BBS4: variants seen among roughly 807,000 people sequenced by gnomAD.
BBS4 encodes BBSome complex member BBS4.
BBS4 carries 58 observed loss-of-function variants against 71.4 expected under a neutral mutation model. The observed-to-expected ratio is 0.81, with a 90% CI of 0.66 to 1.01. The LOEUF is 1.01. Among genes scored for constraint, BBS4 ranks in the 50% least tolerant of loss-of-function variants. BBS4 has a pLI of 0.00. For missense variants in BBS4, 660 were observed against 607.9 expected, an observed-to-expected ratio of 1.09 and a Z score of -0.90; for synonymous variants, 228 against 216.8, an observed-to-expected ratio of 1.05 and a Z score of -0.46.
intron 5 of BBS4, 49 bp downstream of exon 5, chr15:72,715,451 T>A: frequency 7.7e-7 from 1 of 1,294,320 alleles, no homozygotes; most frequent in Non-Finnish European, 1.1e-6. Context: ...GAGAACAGTG[T>A]AAAATGCATT....
chr15:72,718,258 AT>A (rs1353562112), intron 6 of BBS4, among the ~76,000 whole-genome samples: 9 of 152,178 alleles, frequency 5.9e-5, no homozygotes, highest in African/African-American at 2.2e-4. Context: ...TCCATCCAAT[AT>A]TTTTTATTTC....
At chr15:72,735,698 TA>T in intron 13 of BBS4, 126 bp from the exon 14 acceptor site, 1 of 1,203,430 alleles carries the variant, frequency 8.3e-7, no homozygotes, top group Non-Finnish European at 1.2e-6. Context: ...CGTATGTACC[TA>T]CCTTGCTGCA....
Position 72,729,595 on chromosome 15 carries a change from CTT to C in BBS4, c.643-20_643-19del, listed in dbSNP as rs776030864. 2.4e-5 allele frequency: 38 copies of C among 1,613,136 alleles called. No homozygotes were observed. The highest frequency in any genetic ancestry group is 1.2e-4 in the African/African-American group (9 of 74,984). ...CCGTCTCCTTGCTGATGTAAATTGT[CTT>C]GTTTGCTTTTTTTCCAAGCTCGGCA... On this transcript the variant is annotated intron_variant, in intron 9 of 15. Transcript: ENST00000268057.
At chr15:72,720,842 G>A (rs1490155528) in intron 6 of BBS4, among the ~76,000 whole-genome samples, 1 of 152,228 alleles carries the variant, frequency 6.6e-6, no homozygotes, top group African/African-American at 2.4e-5. Context: ...GATAGGATTT[G>A]ACTCTGATTT....
intron 2 of BBS4, among the ~76,000 whole-genome samples, chr15:72,701,537 C>T (rs12440954): frequency 8.5e-5 from 13 of 152,082 alleles, no homozygotes; most frequent in Non-Finnish European, 7.4e-5. Flanking sequence ...TTTTAAAATG[C>T]GGTCAATATA....
chr15:72,693,520 C>T (rs1256222420), intron 1 of BBS4, among the ~76,000 whole-genome samples: 2 of 152,144 alleles, frequency 1.3e-5, no homozygotes, highest in Non-Finnish European at 2.9e-5. Context: ...CTGACAACTA[C>T]TCAGCAATGC....
intron 6 of BBS4, among the ~76,000 whole-genome samples, chr15:72,721,539 A>G (rs1413283425): frequency 6.6e-6 from 1 of 152,220 alleles, no homozygotes; most frequent in Non-Finnish European, 1.5e-5. Context: ...CTGAGCTTCA[A>G]TTTCCTTATC....
intron 2 of BBS4, among the ~76,000 whole-genome samples, chr15:72,702,886 C>G (rs2151007074): frequency 7.0e-6 from 1 of 143,362 alleles, no homozygotes; most frequent in South Asian, 2.3e-4. Context: ...CGGCTCACTG[C>G]AAGCTCCGCC....
intron 8 of BBS4, among the ~76,000 whole-genome samples, chr15:72,726,519 T>A (rs564355433): frequency 1.1e-4 from 17 of 152,252 alleles, no homozygotes; most frequent in Non-Finnish European, 1.9e-4. Context: ...TTATTCCTAA[T>A]AATTAGATTC....
intron 1 of BBS4, among the ~76,000 whole-genome samples, chr15:72,687,583 G>A (rs1327723074): frequency 1.4e-5 from 2 of 143,070 alleles, no homozygotes; most frequent in African/African-American, 5.2e-5. Flanking sequence ...CAGCATGAGC[G>A]ACAGAGACAG....
chr15:72,736,654 G>T (rs1451942154), intron 14 of BBS4, 108 bp from the exon 15 acceptor site: 1 of 1,029,370 alleles, frequency 9.7e-7, no homozygotes, highest in Non-Finnish European at 1.5e-6. Flanking sequence ...CTGCTAGTAC[G>T]ACCAGACACT....
rs1413220436 is a variant in BBS4 at position 72,735,376 on chromosome 15, A to T, written c.1106+194A>T. ...CTCAGCAGGAATTGACACTCTGAGAAAATGTTTCCAGTCCTAAACTGAGTA... is the reference window on the plus strand; with the variant it reads ...CTCAGCAGGAATTGACACTCTGAGATAATGTTTCCAGTCCTAAACTGAGTA... On this transcript the variant is annotated intron_variant, in intron 13 of 15. Coordinates refer to ENST00000268057, the MANE Select transcript of BBS4 (RefSeq NM_033028.5). 8.0e-6 allele frequency: 5 copies of T among 624,308 alleles called. 1 individual carries two copies. The East Asian group carries it at 1.5e-4, about 18-fold the overall frequency. The allele number at this position is 624,308 out of a possible 1,614,324, so 38.7% of individuals were successfully genotyped here.
intron 1 of BBS4, chr15:72,686,496 A>G: frequency 6.6e-7 from 1 of 1,521,680 alleles, no homozygotes; most frequent in South Asian, 1.2e-5. Context: ...CTGGACGGAG[A>G]AGGGAGACTT....
intron 9 of BBS4, among the ~76,000 whole-genome samples, chr15:72,728,873 C>T (rs1397531860): frequency 6.6e-6 from 1 of 152,150 alleles, no homozygotes. Context: ...TCCAGCCCTG[C>T]CTCTGTGGTG....
intron 1 of BBS4, among the ~76,000 whole-genome samples, chr15:72,688,493 A>G (rs1262674576): frequency 7.5e-6 from 1 of 132,470 alleles, no homozygotes; most frequent in African/African-American, 2.9e-5. Flanking sequence ...AGCTCAGTGG[A>G]ACCTCTGCCT....
chr15:72,705,883 C>A (rs1435257218), intron 2 of BBS4, among the ~76,000 whole-genome samples: 1 of 151,908 alleles, frequency 6.6e-6, no homozygotes, highest in Non-Finnish European at 1.5e-5. Context: ...CTATAGCTAG[C>A]CCTGATTGTC....
At chr15:72,732,051 A>G (rs1376669716) in intron 12 of BBS4, among the ~76,000 whole-genome samples, 1 of 152,184 alleles carries the variant, frequency 6.6e-6, no homozygotes, top group Non-Finnish European at 1.5e-5. Flanking sequence ...AGCAAGTGTT[A>G]AGAGCTTGGG....
At chr15:72,717,253 G>C in intron 6 of BBS4, 1 of 174,836 alleles carries the variant, frequency 5.7e-6, no homozygotes. Context: ...TTGGGTCAGG[G>C]CCTTTGAGTA....
intron 2 of BBS4, among the ~76,000 whole-genome samples, chr15:72,701,989 C>T (rs967910662): frequency 6.6e-6 from 1 of 151,686 alleles, no homozygotes; most frequent in Admixed American, 6.6e-5. Flanking sequence ...AGGTGTGTGC[C>T]ACCAGGCCCA....
Sources: gnomAD v4.1 joint callset for allele counts (sites outside exome capture counted in the v4.1 genomes callset) on GRCh38, gnomAD v4.1.1 for gene constraint, MANE v1.5 for transcripts, NCBI Gene and HGNC (gene_info 2026-07-23, HGNC 2026-07-21) for gene names.